Variants in RABGAP1L observed in about 807,000 individuals in gnomAD.
The protein encoded by RABGAP1L is RAB GTPase activating protein 1 like.
RABGAP1L carries 63 observed loss-of-function variants against 137.7 expected under a neutral mutation model. The observed-to-expected ratio is 0.46, with a 90% CI of 0.37 to 0.56. The LOEUF (loss-of-function observed/expected upper bound fraction) is 0.56. Ranked by LOEUF, RABGAP1L falls within the 20% of genes least tolerant of loss-of-function variation. RABGAP1L has a pLI of 0.00. For synonymous variants in RABGAP1L, 431 were observed against 433.7 expected, an observed-to-expected ratio of 0.99 and a Z score of 0.08; for missense variants, 1,095 against 1,244.0, an observed-to-expected ratio of 0.88 and a Z score of 1.80.
At position 174,990,399 on chromosome 1, in the gene RABGAP1L, G is replaced by GA. The variant is rs76971521; in HGVS notation, c.*408dup. Reference sequence around the variant, plus strand: ...AGTGATAAGAAGATCTTTGTCACAGGAAAAAAAAAATTGAAACCTAAACAT... The same window carrying GA: ...AGTGATAAGAAGATCTTTGTCACAGGAAAAAAAAAAATTGAAACCTAAACAT... On this transcript the variant is annotated 3_prime_UTR_variant, in exon 26 of 26. Transcript: ENST00000681986. 17,079 of 151,560 alleles carry GA rather than the reference G, an allele frequency of 0.11. 1,099 individuals carry two copies. The highest frequency in any genetic ancestry group is 0.33 in the East Asian group (1,702 of 5,168). The allele number at this position is 151,560 out of a possible 1,614,324, so 9.4% of individuals were successfully genotyped here.
Position 174,571,454 on chromosome 1 carries a change from G to T in RABGAP1L, c.1711-65921G>T, listed in dbSNP as rs1667972522. 5.9e-5 allele frequency among the ~76,000 whole-genome samples: 9 copies of T among 152,202 alleles called. No homozygotes were observed. In the South Asian group the frequency reaches 1.7e-3, roughly 28 times the overall value. The stretch of plus-strand genomic sequence containing the variant: ...ATTGTTTGTAACAGAAAGGATAAAT[G>T]CTTGAGGGGGATGGATACCCAGTTT... On this transcript the variant is annotated intron_variant, in intron 13 of 25. Transcript: ENST00000681986.
chr1:174,861,209 C>G (rs1182036712), intron 19 of RABGAP1L, among the ~76,000 whole-genome samples: 1 of 152,134 alleles, frequency 6.6e-6, no homozygotes, highest in Admixed American at 6.6e-5. Context: ...CTGTGTCTGG[C>G]TTATTTCACT....
intron 7 of RABGAP1L, among the ~76,000 whole-genome samples, chr1:174,269,876 A>G (rs1003152485): frequency 1.3e-5 from 2 of 152,184 alleles, no homozygotes; most frequent in East Asian, 3.9e-4. Flanking sequence ...CCTTATCTAT[A>G]GAGTTAATAA....
In RABGAP1L at chr1:174,325,697, T is replaced by C. The variant is rs116985261; in HGVS notation, c.1465+20570T>C. ...CTTCACAGGAGGCTCACTTCTGCAC[T>C]GGCCCATTGGGAGCAACACAAGTCC... On this transcript the variant is annotated intron_variant, in intron 11 of 25. Transcript: ENST00000681986. 3.4e-4 allele frequency among the ~76,000 whole-genome samples: 52 copies of C among 152,310 alleles called. No individual in the cohort carries two copies. The East Asian group carries it at 8.3e-3, about 24-fold the overall frequency.
At chr1:174,317,816 C>T (rs1267654954) in intron 11 of RABGAP1L, among the ~76,000 whole-genome samples, 1 of 150,362 alleles carries the variant, frequency 6.7e-6, no homozygotes, top group Non-Finnish European at 1.5e-5. Flanking sequence ...CAAATTTGTA[C>T]CGCTGGGGTC....
At chr1:174,344,168 G>A (rs1026641328) in intron 11 of RABGAP1L, among the ~76,000 whole-genome samples, 3 of 152,194 alleles carry the variant, frequency 2.0e-5, no homozygotes, top group African/African-American at 7.2e-5. Context: ...TGTCAGGAAT[G>A]TTAAGGTATA....
intron 11 of RABGAP1L, among the ~76,000 whole-genome samples, chr1:174,340,442 G>A (rs1270371187): frequency 6.6e-6 from 1 of 152,050 alleles, no homozygotes; most frequent in Non-Finnish European, 1.5e-5. Context: ...CCACTCCCCA[G>A]ACAGGCCCCA....
chr1:174,215,435 C>A (rs61828581), intron 1 of RABGAP1L, among the ~76,000 whole-genome samples: 2,272 of 145,180 alleles, frequency 0.016, 19 homozygotes, highest in Non-Finnish European at 0.026. Flanking sequence ...CCAGCCTGGG[C>A]GACAAGAGCG....
intron 11 of RABGAP1L, among the ~76,000 whole-genome samples, chr1:174,330,993 T>A (rs1413608928): frequency 6.6e-6 from 1 of 152,174 alleles, no homozygotes; most frequent in Non-Finnish European, 1.5e-5. Context: ...AATAGACGCA[T>A]AGACCTATGG....
chr1:174,335,017 T>G (rs908561074), intron 11 of RABGAP1L, among the ~76,000 whole-genome samples: 5 of 152,178 alleles, frequency 3.3e-5, no homozygotes, highest in Admixed American at 2.0e-4. Flanking sequence ...TTCACTTCTA[T>G]TCTTAACAGT....
chr1:174,972,335 C>G (rs867969784), intron 21 of RABGAP1L, among the ~76,000 whole-genome samples: 47 of 152,280 alleles, frequency 3.1e-4, no homozygotes, highest in African/African-American at 1.1e-3. Context: ...TTAGTTCTTT[C>G]AGAAATCATT....
At chr1:174,862,370 C>T (rs542425536) in intron 19 of RABGAP1L, among the ~76,000 whole-genome samples, 1 of 151,958 alleles carries the variant, frequency 6.6e-6, no homozygotes, top group African/African-American at 2.4e-5. Flanking sequence ...AAAAACAGTA[C>T]TGTTAGAGAA....
intron 19 of RABGAP1L, 105 bp from the exon 20 acceptor site, chr1:174,957,352 G>A: frequency 1.2e-6 from 1 of 839,584 alleles, no homozygotes; most frequent in Admixed American, 2.1e-5. Flanking sequence ...ACTTTGAGTT[G>A]AGCATGTTCC....
intron 13 of RABGAP1L, among the ~76,000 whole-genome samples, chr1:174,518,526 A>G (rs1663069638): frequency 6.6e-6 from 1 of 152,164 alleles, no homozygotes; most frequent in Non-Finnish European, 1.5e-5. Context: ...AATATTTTCA[A>G]TCACTGGTTG....
intron 19 of RABGAP1L, chr1:174,897,209 G>A (rs1657348470): frequency 6.6e-6 from 1 of 152,088 alleles, no homozygotes; most frequent in Non-Finnish European, 1.5e-5. Flanking sequence ...ATTGTGAATG[G>A]GAGTTCACTC....
intron 13 of RABGAP1L, among the ~76,000 whole-genome samples, chr1:174,535,092 A>C (rs1055508140): frequency 6.6e-6 from 1 of 152,218 alleles, no homozygotes; most frequent in Non-Finnish European, 1.5e-5. Context: ...ACTTGACACC[A>C]TAAGGTTAAG....
chr1:174,918,901 G>A (rs1453225969), intron 19 of RABGAP1L, among the ~76,000 whole-genome samples: 4 of 152,040 alleles, frequency 2.6e-5, no homozygotes, highest in Non-Finnish European at 4.4e-5. Context: ...TTGTAGTCTC[G>A]GCTATTCAGG....
At chr1:174,449,943 T>A (rs1240815540) in intron 13 of RABGAP1L, among the ~76,000 whole-genome samples, 2 of 152,208 alleles carry the variant, frequency 1.3e-5, no homozygotes, top group African/African-American at 4.8e-5. Flanking sequence ...ACTTTAGAAG[T>A]GTCTTAGCTA....
At chr1:174,293,152 T>G (rs559924707) in intron 10 of RABGAP1L, among the ~76,000 whole-genome samples, 251 of 152,242 alleles carry the variant, frequency 1.6e-3, no homozygotes, top group Non-Finnish European at 3.0e-3. Flanking sequence ...GAACAGTAGT[T>G]TTTTTTGGTT....
Sources: allele counts gnomAD v4.1 joint callset (sites outside exome capture counted in the v4.1 genomes callset), GRCh38; gene constraint gnomAD v4.1.1; transcripts MANE v1.5; gene names NCBI Gene and HGNC (gene_info 2026-07-23, HGNC 2026-07-21).